The following CRY2 variants were observed in gnomAD, a reference collection of about 807,000 sequenced individuals.
CRY2 encodes cryptochrome circadian regulator 2.
CRY2 carries 31 observed loss-of-function variants against 69.5 expected under a neutral mutation model. The observed-to-expected ratio is 0.45, with a 90% CI of 0.34 to 0.60. The LOEUF (loss-of-function observed/expected upper bound fraction) is 0.60. CRY2 is among the 20% of genes least tolerant of loss of function. The pLI is 0.02. For missense variants in CRY2, 606 were observed against 797.8 expected, an observed-to-expected ratio of 0.76 and a Z score of 2.90; for synonymous variants, 303 against 312.2, an observed-to-expected ratio of 0.97 and a Z score of 0.31.
intron 1 of CRY2, among the ~76,000 whole-genome samples, chr11:45,850,469 AAAC>A (rs1200843000): frequency 6.6e-6 from 1 of 152,206 alleles, no homozygotes; most frequent in Non-Finnish European, 1.5e-5. Flanking sequence ...GAAGTAACAC[AAAC>A]AGATTGAATA....
At chr11:45,867,409 G>C in intron 5 of CRY2, 1 of 588,564 alleles carries the variant, frequency 1.7e-6, no homozygotes, top group Admixed American at 3.0e-5. Context: ...ACAAATTAAA[G>C]AGCAAGTCAG....
chr11:45,874,837 G>A (rs1308924502), intron 11 of CRY2, among the ~76,000 whole-genome samples: 11 of 152,172 alleles, frequency 7.2e-5, no homozygotes, highest in Admixed American at 5.2e-4. Flanking sequence ...CAGCTACTTC[G>A]GAGGCTGAGG....
intron 1 of CRY2, among the ~76,000 whole-genome samples, chr11:45,849,846 C>T (rs550797223): frequency 1.3e-4 from 20 of 152,230 alleles, no homozygotes; most frequent in African/African-American, 3.6e-4. Flanking sequence ...TGGTCTCAAA[C>T]TCCTGACCTC....
At chr11:45,863,374 TAGGTCACCGAC>T (rs1022055004) in intron 5 of CRY2, among the ~76,000 whole-genome samples, 1 of 152,002 alleles carries the variant, frequency 6.6e-6, no homozygotes, top group Non-Finnish European at 1.5e-5. Flanking sequence ...GGATGTCCCT[TAGGTCACCGAC>T]AGGAGCTCCT....
rs117979852 is a variant in CRY2 at position 45,868,207 on chromosome 11, G to A, written c.882+455G>A. Among the ~76,000 whole-genome samples the A allele has an allele frequency of 5.1e-4, 78 of 152,358 alleles. 1 individual carries two copies. The East Asian group carries it at 0.013, about 26-fold the overall frequency. On this transcript the variant is annotated intron_variant, in intron 6 of 11. Coordinates refer to ENST00000616080, the MANE Select transcript of CRY2 (RefSeq NM_021117.5). ...CAGTTGCCCATCAGTGATGGAGGGA[G>A]TGGTGTGGAGGGGCTGCACACAGGG... is the stretch of plus-strand genomic sequence containing the variant.
intron 1 of CRY2, 25 bp downstream of exon 1, chr11:45,847,730 C>T (rs1326175851): frequency 6.5e-7 from 1 of 1,530,082 alleles, no homozygotes. Flanking sequence ...GGCTGGGTGG[C>T]GGGGACGCAG....
chr11:45,858,687 C>G, intron 2 of CRY2, 44 bp from the exon 3 acceptor site: 1 of 1,577,316 alleles, frequency 6.3e-7, no homozygotes, highest in South Asian at 1.2e-5. Context: ...CTTCCCCCTC[C>G]TCCCCAAACA....
chr11:45,847,403 G>T, upstream of CRY2: 5 of 1,594,092 alleles, frequency 3.1e-6, no homozygotes, highest in South Asian at 5.6e-5. Context: ...GTGGAGTTGC[G>T]GCGTCATAGG....
At chr11:45,871,917 T>G (rs556995840) in intron 10 of CRY2, among the ~76,000 whole-genome samples, 175 bp from the exon 11 acceptor site, 2 of 152,348 alleles carry the variant, frequency 1.3e-5, no homozygotes, top group South Asian at 2.1e-4. Context: ...TCCTTGGACA[T>G]TTCCAGGCAA....
At chr11:45,855,751 G>T (rs957315540) in intron 1 of CRY2, among the ~76,000 whole-genome samples, 1 of 152,196 alleles carries the variant, frequency 6.6e-6, no homozygotes. Context: ...AAGAGGTTAG[G>T]TTATTGCCTA....
At chr11:45,849,681 C>T (rs78872333) in intron 1 of CRY2, among the ~76,000 whole-genome samples, 29,077 of 147,558 alleles carry the variant, frequency 0.2, 3,090 homozygotes, top group Non-Finnish European at 0.24. Flanking sequence ...AGTACAATGG[C>T]GCAGTCTGGA....
intron 10 of CRY2, among the ~76,000 whole-genome samples, chr11:45,871,798 AC>A (rs1269082106): frequency 6.6e-6 from 1 of 152,224 alleles, no homozygotes; most frequent in Non-Finnish European, 1.5e-5. Flanking sequence ...GGAATGCCTC[AC>A]CTTCAAAGCA....
At chr11:45,876,441 C>T (rs866238738) in intron 11 of CRY2, among the ~76,000 whole-genome samples, 2 of 152,240 alleles carry the variant, frequency 1.3e-5, no homozygotes, top group South Asian at 4.1e-4. Context: ...AGCCAGCCCC[C>T]AAATAGCTAT....
intron 5 of CRY2, among the ~76,000 whole-genome samples, chr11:45,866,857 G>A (rs1000764450): frequency 2.0e-5 from 3 of 152,038 alleles, no homozygotes; most frequent in African/African-American, 4.8e-5. Flanking sequence ...CAAGGTGGGC[G>A]ATCAGGAGAA....
intron 1 of CRY2, among the ~76,000 whole-genome samples, chr11:45,853,092 C>T (rs1488547117): frequency 6.6e-6 from 1 of 152,168 alleles, no homozygotes; most frequent in African/African-American, 2.4e-5. Flanking sequence ...GACAGATTGC[C>T]TAGGTTTGAA....
chr11:45,860,515 G>A (rs1246847422), intron 3 of CRY2, among the ~76,000 whole-genome samples: 1 of 152,120 alleles, frequency 6.6e-6, no homozygotes, highest in Non-Finnish European at 1.5e-5. Flanking sequence ...AAGCAGGCTA[G>A]TAGGGATTTT....
At chr11:45,857,710 G>C (rs2086252806) in intron 2 of CRY2, among the ~76,000 whole-genome samples, 1 of 152,212 alleles carries the variant, frequency 6.6e-6, no homozygotes, top group Non-Finnish European at 1.5e-5. Flanking sequence ...GGTCAAGAAG[G>C]CTTCTTGGAG....
chr11:45,872,660 C>G (rs1475778020), intron 11 of CRY2, among the ~76,000 whole-genome samples: 1 of 152,160 alleles, frequency 6.6e-6, no homozygotes, highest in Non-Finnish European at 1.5e-5. Context: ...TCCCACCATT[C>G]TGACTTTTAT....
At position 45,872,081 on chromosome 11, in the gene CRY2, C is replaced by G; in HGVS notation, c.1643-11C>G. 6.2e-7 allele frequency: 1 copy of G among 1,613,812 alleles called. No homozygotes were observed. The highest frequency in any genetic ancestry group is 1.7e-5 in the Admixed American group (1 of 59,996). On this transcript the variant is annotated splice_polypyrimidine_tract_variant and intron_variant, in intron 10 of 11. Transcript: ENST00000616080. The stretch of plus-strand genomic sequence containing the variant: ...ACAGTCTGTGTGACCCTTTGACACG[C>G]TTCCCTACAGGCCCAAGACCACTAC...
Sources: allele counts gnomAD v4.1 joint callset (sites outside exome capture counted in the v4.1 genomes callset), GRCh38; gene constraint gnomAD v4.1.1; transcripts MANE v1.5; gene names NCBI Gene and HGNC (gene_info 2026-07-23, HGNC 2026-07-21).